The following ABCB11 variants were observed in gnomAD, a reference collection of about 807,000 sequenced individuals.
ABCB11 encodes ATP binding cassette subfamily B member 11.
ABCB11 carries 95 observed loss-of-function variants against 148.0 expected under a neutral mutation model. The observed-to-expected ratio is 0.64, with a 90% CI of 0.54 to 0.76. The LOEUF is 0.76. Ranked by LOEUF, ABCB11 falls within the 30% of genes least tolerant of loss-of-function variation. The probability of loss-of-function intolerance (pLI) is 0.00; values close to 1 mark genes in which losing one functional copy is unlikely to be tolerated. For synonymous variants in ABCB11, 591 were observed against 555.4 expected, an observed-to-expected ratio of 1.06 and a Z score of -0.90; for missense variants, 1,523 against 1,617.8, an observed-to-expected ratio of 0.94 and a Z score of 1.01.
intron 3 of ABCB11, 53 bp downstream of exon 3, chr2:169,016,725 T>C: frequency 6.8e-7 from 1 of 1,479,592 alleles, no homozygotes; most frequent in South Asian, 1.2e-5. Context: ...TTGATATGAA[T>C]ATTATGGAGT....
At chr2:168,949,175 A>G (rs1286210216) in intron 19 of ABCB11, among the ~76,000 whole-genome samples, 1 of 151,768 alleles carries the variant, frequency 6.6e-6, no homozygotes, top group South Asian at 2.1e-4. Flanking sequence ...CCAAGAAAAC[A>G]TGATCACATT....
intron 10 of ABCB11, among the ~76,000 whole-genome samples, chr2:168,981,342 A>G (rs1469129198): frequency 6.6e-6 from 1 of 152,152 alleles, no homozygotes; most frequent in Non-Finnish European, 1.5e-5. Context: ...GCATAGGGAC[A>G]AAAATTATCT....
intron 10 of ABCB11, among the ~76,000 whole-genome samples, chr2:168,983,655 AT>A: frequency 6.6e-6 from 1 of 152,268 alleles, no homozygotes; most frequent in East Asian, 1.9e-4. Context: ...TGGAATGATT[AT>A]GGTTTGACCT....
At chr2:169,029,224 C>T (rs548794546) in intron 1 of ABCB11, among the ~76,000 whole-genome samples, 2 of 151,994 alleles carry the variant, frequency 1.3e-5, no homozygotes, top group South Asian at 4.1e-4. Flanking sequence ...ACTGCCCCTG[C>T]TCCTCTTCAA....
At chr2:168,988,220 CCT>C (rs1168018248) in intron 9 of ABCB11, among the ~76,000 whole-genome samples, 2 of 151,940 alleles carry the variant, frequency 1.3e-5, no homozygotes, top group Non-Finnish European at 1.5e-5. Flanking sequence ...TCAAACTACC[CCT>C]GTTTAACTGA....
At chr2:168,973,609 A>T in intron 13 of ABCB11, 106 bp downstream of exon 13, 2 of 1,351,782 alleles carry the variant, frequency 1.5e-6, no homozygotes, top group Non-Finnish European at 2.0e-6. Context: ...TTAACTATGC[A>T]TGCCAGGACA....
rs1006035336 is a variant in ABCB11, at chr2:168,922,919, T to G, written c.*703A>C. 5 of 152,236 alleles carry G rather than the reference T, an allele frequency of 3.3e-5. No individual in the cohort carries two copies. The highest frequency in any genetic ancestry group is 6.5e-5 in the Admixed American group (1 of 15,286). The allele number at this position is 152,236 out of a possible 1,614,324, so 9.4% of individuals were successfully genotyped here. Reference sequence around the variant, plus strand: ...AGAGTCCCTGCTCCAGCCACACTGGTAGGTCCTCACAGTAATGGTAGCATC... The same window carrying G: ...AGAGTCCCTGCTCCAGCCACACTGGGAGGTCCTCACAGTAATGGTAGCATC... On this transcript the variant is annotated 3_prime_UTR_variant, in exon 28 of 28. Coordinates refer to ENST00000650372, the MANE Select transcript of ABCB11 (RefSeq NM_003742.4).
chr2:168,969,333 A>G lies in ABCB11; in HGVS notation c.2011+17T>C, dbSNP rs756992067. ...ACTATTTAATATAACATACAAGTAT[A>G]GGGAAAAAGCACTTGCCCTTTATGT... On this transcript the variant is annotated intron_variant, in intron 16 of 27. Coordinates refer to ENST00000650372, the MANE Select transcript of ABCB11 (RefSeq NM_003742.4). 18 of 1,602,578 alleles carry G rather than the reference A, an allele frequency of 1.1e-5. No homozygotes were observed. Among genetic ancestry groups the G allele is most frequent in the Non-Finnish European group, 1.4e-5 (16 of 1,172,336 alleles).
chr2:168,969,534 T>C lies in ABCB11; in HGVS notation c.1827A>G (p.Thr609=), dbSNP rs754732963. ...ACAAGCGATGAGCAACTGAAATGAT[T>C]GTGTGCCCATGCTGAATCTGTAAGA... ...EVLSKIQHGH[T]IISVAHRLST... The change falls in exon 16 of 28, where the codon ACA becomes ACG. Residue 609 remains threonine (T), a synonymous_variant. Transcript: ENST00000650372. 6.2e-7 allele frequency: 1 copy of C among 1,612,184 alleles called. No homozygotes were observed. Among genetic ancestry groups the C allele is most frequent in the African/African-American group, 1.3e-5 (1 of 74,814 alleles).
At chr2:169,007,866 C>T (rs1207867882) in intron 5 of ABCB11, among the ~76,000 whole-genome samples, 1 of 152,130 alleles carries the variant, frequency 6.6e-6, no homozygotes. Flanking sequence ...AGAGAAATTG[C>T]TTGCAAATTG....
chr2:169,024,164 C>T (rs1695621509), intron 1 of ABCB11, among the ~76,000 whole-genome samples: 2 of 152,010 alleles, frequency 1.3e-5, no homozygotes, highest in Admixed American at 6.6e-5. Flanking sequence ...TGTAACAAAC[C>T]TGCACATCTG....
At chr2:168,958,224 GATTA>G (rs1404348312) in intron 18 of ABCB11, 96 bp from the exon 19 acceptor site, 1 of 1,222,720 alleles carries the variant, frequency 8.2e-7, no homozygotes, top group East Asian at 2.4e-5. Flanking sequence ...GTCATAGTTT[GATTA>G]GTTATGAGTG....
intron 5 of ABCB11, among the ~76,000 whole-genome samples, chr2:169,008,893 T>C (rs1306615848): frequency 6.6e-6 from 1 of 152,210 alleles, no homozygotes; most frequent in Non-Finnish European, 1.5e-5. Context: ...ACAATCCAAA[T>C]GTCCATCAAC....
intron 26 of ABCB11, among the ~76,000 whole-genome samples, chr2:168,926,776 G>A (rs1292587104): frequency 1.3e-5 from 2 of 152,100 alleles, no homozygotes; most frequent in Admixed American, 6.6e-5. Context: ...GACCAGAAAC[G>A]TTTCAGATTC....
Position 168,973,860 on chromosome 2 carries a change from G to A in ABCB11, c.1309-20C>T, listed in dbSNP as rs1693703569. ...TAGAATCTGGAGAAGAAAGAAAACAGCAAAGTTCAGATTGTCACTGTTTAC... is the reference window on the plus strand; with the variant it reads ...TAGAATCTGGAGAAGAAAGAAAACAACAAAGTTCAGATTGTCACTGTTTAC... On this transcript the variant is annotated intron_variant, in intron 12 of 27. Transcript: ENST00000650372. 3.7e-6 allele frequency: 6 copies of A among 1,608,570 alleles called. No individual in the cohort carries two copies. Among genetic ancestry groups the A allele is most frequent in the Non-Finnish European group, 5.1e-6 (6 of 1,176,332 alleles).
At chr2:169,007,990 T>C (rs1049053088) in intron 5 of ABCB11, among the ~76,000 whole-genome samples, 4 of 152,202 alleles carry the variant, frequency 2.6e-5, no homozygotes, top group African/African-American at 9.7e-5. Flanking sequence ...TGTTATATTA[T>C]TTATTTCCAA....
intron 5 of ABCB11, among the ~76,000 whole-genome samples, chr2:169,001,435 G>C (rs1014944302): frequency 4.6e-5 from 7 of 152,080 alleles, no homozygotes; most frequent in African/African-American, 1.7e-4. Flanking sequence ...GGCGGTGGTG[G>C]TAATGTTTTG....
At chr2:168,952,106 TC>T (rs1424833616) in intron 19 of ABCB11, among the ~76,000 whole-genome samples, 1 of 151,662 alleles carries the variant, frequency 6.6e-6, no homozygotes, top group Non-Finnish European at 1.5e-5. Context: ...TGGTGTGTTA[TC>T]TTTTTGATGT....
intron 5 of ABCB11, among the ~76,000 whole-genome samples, chr2:169,007,836 G>C (rs1210464693): frequency 6.6e-6 from 1 of 152,184 alleles, no homozygotes; most frequent in Non-Finnish European, 1.5e-5. Flanking sequence ...CAAGAAGTTA[G>C]AAAGACAACC....
Sources: gnomAD v4.1 joint callset for allele counts (sites outside exome capture counted in the v4.1 genomes callset) on GRCh38, gnomAD v4.1.1 for gene constraint, MANE v1.5 for transcripts, NCBI Gene and HGNC (gene_info 2026-07-23, HGNC 2026-07-21) for gene names.